The following RNF38 variants were observed in gnomAD, a reference collection of about 807,000 sequenced individuals.
The protein encoded by RNF38 is E3 ubiquitin-protein ligase RNF38.
In RNF38, 15 loss-of-function variants were observed where a neutral mutation model predicts 67.2. That is an observed-to-expected ratio of 0.22 (90% CI 0.15 to 0.34). RNF38 has a LOEUF of 0.34. Among genes scored for constraint, RNF38 ranks in the 10% least tolerant of loss-of-function variants. The pLI, the probability that RNF38 is intolerant of heterozygous loss-of-function variation, is 1.00. For synonymous variants in RNF38, 220 were observed against 218.8 expected, an observed-to-expected ratio of 1.01 and a Z score of -0.05; for missense variants, 524 against 639.9, an observed-to-expected ratio of 0.82 and a Z score of 1.95.
At chr9:36,342,166 T>TA (rs1832904352) in intron 11 of RNF38, among the ~76,000 whole-genome samples, 159 bp downstream of exon 11, 1 of 63,106 alleles carries the variant, frequency 1.6e-5, no homozygotes, top group South Asian at 7.7e-4. Context: ...TGACTGCAGT[T>TA]AATTTTTACT....
At chr9:36,439,468 G>A (rs556659709) in intron 1 of RNF38, among the ~76,000 whole-genome samples, 1 of 152,206 alleles carries the variant, frequency 6.6e-6, no homozygotes, top group Admixed American at 6.5e-5. Context: ...AAAGAACACA[G>A]CACTGTGGCA....
intron 4 of RNF38, among the ~76,000 whole-genome samples, chr9:36,358,310 C>T (rs1834276037): frequency 6.6e-6 from 1 of 152,184 alleles, no homozygotes; most frequent in Non-Finnish European, 1.5e-5. Context: ...ATTTTAATTA[C>T]AACTAGTGAA....
At chr9:36,373,718 G>GC (rs946422026) in intron 3 of RNF38, among the ~76,000 whole-genome samples, 14 of 151,284 alleles carry the variant, frequency 9.3e-5, no homozygotes, top group African/African-American at 3.2e-4. Flanking sequence ...CAGGTGATCC[G>GC]CCTGCCTCGG....
At chr9:36,355,062 AATCCT>A (rs1249083816) in intron 6 of RNF38, among the ~76,000 whole-genome samples, 10 of 152,232 alleles carry the variant, frequency 6.6e-5, no homozygotes, top group African/African-American at 2.4e-4. Context: ...TCCTGGCACA[AATCCT>A]ATCCTATTTC....
intron 1 of RNF38, among the ~76,000 whole-genome samples, chr9:36,426,122 T>C (rs1838764084): frequency 6.6e-6 from 1 of 152,258 alleles, no homozygotes; most frequent in Non-Finnish European, 1.5e-5. Context: ...CTTCCAGATA[T>C]GTAGAGCAGA....
intron 1 of RNF38, among the ~76,000 whole-genome samples, chr9:36,438,297 G>A (rs1043237284): frequency 6.6e-6 from 1 of 151,996 alleles, no homozygotes; most frequent in African/African-American, 2.4e-5. Flanking sequence ...AGGTAGATCC[G>A]ATACTCTAAA....
At chr9:36,372,720 C>T in intron 3 of RNF38, 1 of 454,258 alleles carries the variant, frequency 2.2e-6, no homozygotes, top group South Asian at 5.2e-5. Flanking sequence ...TGAACGAGGA[C>T]CATGATGCTT....
intron 1 of RNF38, among the ~76,000 whole-genome samples, chr9:36,486,465 T>C (rs569901429): frequency 4.6e-5 from 7 of 152,172 alleles, no homozygotes; most frequent in African/African-American, 1.7e-4. Context: ...GCCGTAAACG[T>C]CTTTACCAAG....
At chr9:36,434,258 G>A (rs1439647213) in intron 1 of RNF38, among the ~76,000 whole-genome samples, 2 of 125,678 alleles carry the variant, frequency 1.6e-5, no homozygotes, top group African/African-American at 6.0e-5. Context: ...GAGGGGAGGG[G>A]AGAGGGGAGG....
At chr9:36,481,514 T>G (rs1268366745) in intron 1 of RNF38, among the ~76,000 whole-genome samples, 1 of 152,214 alleles carries the variant, frequency 6.6e-6, no homozygotes, top group African/African-American at 2.4e-5. Context: ...ATTTCCCTTC[T>G]GTGGGCAAAA....
chr9:36,339,691 G>T lies in RNF38; in HGVS notation c.*61C>A, dbSNP rs534719661. ...GAAGCCACACAGATTAAGTTCAATGGATAGTCCGTATATACATGTGATGAG... is the reference window on the plus strand; with the variant it reads ...GAAGCCACACAGATTAAGTTCAATGTATAGTCCGTATATACATGTGATGAG... On this transcript the variant is annotated 3_prime_UTR_variant, in exon 12 of 12. Coordinates refer to ENST00000259605, the MANE Select transcript of RNF38 (RefSeq NM_022781.5). 8 of 1,338,718 alleles carry T rather than the reference G, an allele frequency of 6.0e-6. No homozygotes were observed. In the African/African-American group the frequency reaches 7.2e-5, roughly 12 times the overall value. The allele number at this position is 1,338,718 out of a possible 1,614,324, so 82.9% of individuals were successfully genotyped here.
At chr9:36,459,486 A>G (rs1258418547) in intron 1 of RNF38, among the ~76,000 whole-genome samples, 1 of 152,184 alleles carries the variant, frequency 6.6e-6, no homozygotes, top group African/African-American at 2.4e-5. Flanking sequence ...TACACTGAGT[A>G]TTTTGTATTT....
chr9:36,375,843 A>G, intron 3 of RNF38, 91 bp downstream of exon 3: 2 of 1,205,790 alleles, frequency 1.7e-6, no homozygotes, highest in Non-Finnish European at 2.3e-6. Flanking sequence ...TGTTTATGAA[A>G]TGCCTACAGA....
chr9:36,434,743 T>C (rs1839023181), intron 1 of RNF38, among the ~76,000 whole-genome samples: 1 of 152,170 alleles, frequency 6.6e-6, no homozygotes, highest in Non-Finnish European at 1.5e-5. Flanking sequence ...CTCACAAACA[T>C]ACTTGGCCCT....
Position 36,390,531 on chromosome 9 carries a change from G to C in RNF38, c.98C>G (p.Pro33Arg), listed in dbSNP as rs753139791. The C allele has an allele frequency of 1.9e-6, 3 of 1,614,026 alleles. No individual in the cohort carries two copies. Among genetic ancestry groups the C allele is most frequent in the East Asian group, 2.2e-5 (1 of 44,878 alleles). The stretch of plus-strand genomic sequence containing the variant: ...AGTGTTCTGATCACTTGGGAGGAGA[G>C]GGAACAGGCTCTGAAGTCTCACCCT... ...CERVRLQSLFPLLPSDQNTTV... is the reference protein window; with the variant it reads ...CERVRLQSLFRLLPSDQNTTV... The change falls in exon 2 of 12, where the codon CCT (proline) becomes CGT (arginine). Residue 33 changes from proline to arginine, a missense_variant. Coordinates refer to ENST00000259605, the MANE Select transcript of RNF38 (RefSeq NM_022781.5).
At chr9:36,361,527 G>A (rs999356081) in intron 4 of RNF38, among the ~76,000 whole-genome samples, 1 of 151,836 alleles carries the variant, frequency 6.6e-6, no homozygotes, top group African/African-American at 2.4e-5. Context: ...CATAACGCTT[G>A]GTCACTTATA....
At chr9:36,456,600 A>C (rs947742952) in intron 1 of RNF38, among the ~76,000 whole-genome samples, 1 of 152,040 alleles carries the variant, frequency 6.6e-6, no homozygotes, top group African/African-American at 2.4e-5. Context: ...CTGCCTTGCC[A>C]GTGAAGGCTG....
chr9:36,414,761 C>A (rs989054954), intron 2 of RNF38, among the ~76,000 whole-genome samples: 1 of 150,324 alleles, frequency 6.7e-6, no homozygotes, highest in Admixed American at 6.6e-5. Context: ...GTGTCGAATT[C>A]TCTCAGCATT....
chr9:36,339,917 C>A, intron 11 of RNF38, 103 bp from the exon 12 acceptor site: 1 of 1,049,338 alleles, frequency 9.5e-7, no homozygotes, highest in African/African-American at 1.6e-5. Flanking sequence ...TACATTCTTT[C>A]TTCCTCTGAA....
Sources: gnomAD v4.1 joint callset for allele counts (sites outside exome capture counted in the v4.1 genomes callset) on GRCh38, gnomAD v4.1.1 for gene constraint, MANE v1.5 for transcripts, NCBI Gene and HGNC (gene_info 2026-07-23, HGNC 2026-07-21) for gene names.